Variants in DLG2 observed in about 807,000 individuals in gnomAD.
DLG2 encodes the protein discs large MAGUK scaffold protein 2.
Under a neutral mutation model 132.5 loss-of-function variants are expected in DLG2, and 45 were observed. That is an observed-to-expected ratio of 0.34 (90% CI 0.27 to 0.44). The LOEUF (loss-of-function observed/expected upper bound fraction) is 0.44. Among genes scored for constraint, DLG2 ranks in the 20% least tolerant of loss-of-function variants. DLG2 has a pLI of 1.00. For synonymous variants in DLG2, 424 were observed against 419.6 expected (o/e 1.01, Z -0.13); for missense variants, 1,045 against 1,196.9 (o/e 0.87, Z 1.87).
intron 18 of DLG2, among the ~76,000 whole-genome samples, chr11:83,648,343 G>A (rs551091565): frequency 4.6e-4 from 70 of 152,238 alleles, no homozygotes; most frequent in African/African-American, 1.5e-3. Context: ...TAGGGGTAAA[G>A]GAAGGCATAT....
chr11:84,074,981 T>C (rs2096807466), intron 10 of DLG2, among the ~76,000 whole-genome samples: 1 of 152,212 alleles, frequency 6.6e-6, no homozygotes, highest in Non-Finnish European at 1.5e-5. Context: ...TCTCATCTTC[T>C]ACCACTGTCC....
intron 6 of DLG2, among the ~76,000 whole-genome samples, chr11:84,588,586 A>C (rs1423034855): frequency 6.6e-6 from 1 of 152,096 alleles, no homozygotes; most frequent in Non-Finnish European, 1.5e-5. Context: ...TCCATTTTGA[A>C]TACAGGCTGG....
chr11:84,042,047 A>G (rs753623285), intron 11 of DLG2, among the ~76,000 whole-genome samples: 1 of 151,932 alleles, frequency 6.6e-6, no homozygotes, highest in Non-Finnish European at 1.5e-5. Flanking sequence ...TTCAATAAAC[A>G]ATTTCTTTTG....
chr11:84,902,736 C>T (rs916965384), intron 6 of DLG2, among the ~76,000 whole-genome samples: 1 of 152,134 alleles, frequency 6.6e-6, no homozygotes, highest in Non-Finnish European at 1.5e-5. Context: ...CCTCTCAGGG[C>T]TTACCCATAG....
chr11:84,396,312 A>T (rs1383814324), intron 7 of DLG2, among the ~76,000 whole-genome samples: 4 of 152,178 alleles, frequency 2.6e-5, no homozygotes, highest in African/African-American at 7.2e-5. Flanking sequence ...GTTAATTTTC[A>T]TTGCAAAAAT....
At chr11:83,562,042 C>G (rs959081905) in intron 19 of DLG2, among the ~76,000 whole-genome samples, 10 of 151,740 alleles carry the variant, frequency 6.6e-5, no homozygotes, top group East Asian at 1.9e-4. Context: ...GTGCCCAGCA[C>G]CACGCCCAGC....
chr11:84,906,363 A>G (rs960955427), intron 6 of DLG2, among the ~76,000 whole-genome samples: 5 of 147,698 alleles, frequency 3.4e-5, no homozygotes, highest in African/African-American at 1.2e-4. Context: ...TGTGTTGTCC[A>G]TTACCCACAG....
At chr11:83,995,494 C>T (rs974838581) in intron 11 of DLG2, among the ~76,000 whole-genome samples, 1 of 151,986 alleles carries the variant, frequency 6.6e-6, no homozygotes, top group Non-Finnish European at 1.5e-5. Context: ...TTAATACTTG[C>T]TGTTGTTTAA....
chr11:83,879,307 TAAC>T (rs1219624662), intron 15 of DLG2, among the ~76,000 whole-genome samples: 2 of 152,180 alleles, frequency 1.3e-5, no homozygotes, highest in African/African-American at 4.8e-5. Context: ...AATTAACTGA[TAAC>T]AATAAAGTTA....
chr11:84,466,617 A>G (rs966841980), intron 7 of DLG2, among the ~76,000 whole-genome samples: 2 of 151,408 alleles, frequency 1.3e-5, no homozygotes, highest in Non-Finnish European at 3.0e-5. Flanking sequence ...AAAAATTCTA[A>G]TTTGATAACA....
At chr11:84,128,156 T>A (rs763217655) in intron 9 of DLG2, among the ~76,000 whole-genome samples, 1 of 152,126 alleles carries the variant, frequency 6.6e-6, no homozygotes, top group African/African-American at 2.4e-5. Flanking sequence ...CTATAAGCCA[T>A]TTAATAGGGG....
intron 3 of DLG2, among the ~76,000 whole-genome samples, chr11:85,406,501 T>C (rs2088753898): frequency 6.6e-6 from 1 of 151,754 alleles, no homozygotes; most frequent in Non-Finnish European, 1.5e-5. Flanking sequence ...GCAGCTGCTG[T>C]GGTGTGTCAT....
intron 6 of DLG2, among the ~76,000 whole-genome samples, chr11:84,662,351 T>C (rs969934675): frequency 1.4e-4 from 21 of 151,974 alleles, no homozygotes; most frequent in African/African-American, 5.1e-4. Context: ...TAATGTTGTA[T>C]TTTTACTAGA....
intron 7 of DLG2, among the ~76,000 whole-genome samples, chr11:84,363,296 C>T (rs1003933868): frequency 2.0e-5 from 3 of 151,796 alleles, no homozygotes; most frequent in South Asian, 4.1e-4. Flanking sequence ...TTTTTGGCTG[C>T]ATAAATGTCT....
At chr11:83,486,311 G>A in intron 21 of DLG2, 1 of 645,162 alleles carries the variant, frequency 1.5e-6, no homozygotes, top group South Asian at 1.7e-5. Context: ...TGCAAGGTAT[G>A]TTAGACATTT....
chr11:84,714,537 TTCTCTTTCTCTTTCTC>T (rs1164892779), intron 6 of DLG2, among the ~76,000 whole-genome samples: 7 of 104,846 alleles, frequency 6.7e-5, no homozygotes, highest in Non-Finnish European at 1.2e-4. Flanking sequence ...CTCTTTCTCT[TTCTCTTTCTCTTTCTC>T]TCTCTTTCTC....
At chr11:85,240,361 C>A (rs572465166) in intron 4 of DLG2, among the ~76,000 whole-genome samples, 10 of 151,688 alleles carry the variant, frequency 6.6e-5, no homozygotes, top group African/African-American at 9.7e-5. Flanking sequence ...CTGTAGACAT[C>A]TAATTGTTTG....
chr11:84,562,693 A>T (rs2099431074), intron 6 of DLG2, among the ~76,000 whole-genome samples: 1 of 151,762 alleles, frequency 6.6e-6, no homozygotes, highest in Non-Finnish European at 1.5e-5. Flanking sequence ...TCTTTAAAAT[A>T]TATTTCTTAG....
intron 21 of DLG2, among the ~76,000 whole-genome samples, chr11:83,517,262 T>G (rs1265185110): frequency 1.3e-5 from 2 of 152,192 alleles, no homozygotes; most frequent in Admixed American, 6.5e-5. Flanking sequence ...TTGCTTCATT[T>G]CATTCATTTG....
Sources: gnomAD v4.1 joint callset for allele counts (sites outside exome capture counted in the v4.1 genomes callset) on GRCh38, gnomAD v4.1.1 for gene constraint, MANE v1.5 for transcripts, NCBI Gene and HGNC (gene_info 2026-07-23, HGNC 2026-07-21) for gene names.